Variants in LZIC observed in about 807,000 individuals in gnomAD.
LZIC encodes leucine zipper and CTNNBIP1 domain containing, also known as protein LZIC.
LZIC carries 28 observed loss-of-function variants against 25.4 expected under a neutral mutation model. That is an observed-to-expected ratio of 1.10 (90% CI 0.82 to 1.51). LZIC has a LOEUF of 1.51. Ranked by LOEUF, LZIC falls within the 40% of genes most tolerant of loss-of-function variation. The probability of loss-of-function intolerance (pLI) is 0.00; values close to 1 mark genes in which losing one functional copy is unlikely to be tolerated. For synonymous variants in LZIC, 65 were observed against 70.7 expected (o/e 0.92, Z 0.40); for missense variants, 170 against 211.1 (o/e 0.81, Z 1.21).
rs201758275 is a variant in LZIC, at chr1:9,929,430, G to T, written c.*969C>A. 5.1e-6 allele frequency: 5 copies of T among 985,286 alleles called. No individual in the cohort carries two copies. The African/African-American group carries it at 5.2e-5, about 10-fold the overall frequency. The allele number at this position is 985,286 out of a possible 1,614,324, so 61.0% of individuals were successfully genotyped here. Reference sequence around the variant, plus strand: ...TGCATATTTGAGCATACAGAGACATGTAAATACTCAGGAGAGAAATTTGCT... The same window carrying T: ...TGCATATTTGAGCATACAGAGACATTTAAATACTCAGGAGAGAAATTTGCT... On this transcript the variant is annotated 3_prime_UTR_variant, in exon 8 of 8. Coordinates refer to ENST00000377223, the MANE Select transcript of LZIC (RefSeq NM_032368.5).
At position 9,930,088 on chromosome 1, in the gene LZIC, TAAAAAC is replaced by T; in HGVS notation, c.*305_*310del. 2.7e-6 allele frequency: 3 copies of T among 1,102,226 alleles called. No individual in the cohort carries two copies. The highest frequency in any genetic ancestry group is 3.3e-6 in the Non-Finnish European group (3 of 901,518). The allele number at this position is 1,102,226 out of a possible 1,614,324, so 68.3% of individuals were successfully genotyped here. On this transcript the variant is annotated 3_prime_UTR_variant, in exon 8 of 8. Coordinates refer to ENST00000377223, the MANE Select transcript of LZIC (RefSeq NM_032368.5). ...CATCTTTTCGTTCACTATCAACACT[TAAAAAC>T]AAACAGCCTTAATAAAAATCAAGTC...
At chr1:9,938,949 T>C (rs1434128379) in intron 2 of LZIC, among the ~76,000 whole-genome samples, 1 of 152,198 alleles carries the variant, frequency 6.6e-6, no homozygotes, top group East Asian at 1.9e-4. Flanking sequence ...TACTAATCAG[T>C]CTTTTATTTA....
intron 2 of LZIC, among the ~76,000 whole-genome samples, chr1:9,939,542 CTTTTTTTTT>C (rs34837155): frequency 2.4e-5 from 2 of 81,984 alleles, no homozygotes; most frequent in Non-Finnish European, 4.5e-5. Context: ...CCACATCTGC[CTTTTTTTTT>C]TTTTTTTTTT....
intron 4 of LZIC, 133 bp from the exon 5 acceptor site, chr1:9,934,993 G>T: frequency 1.4e-6 from 1 of 711,850 alleles, no homozygotes. Context: ...ACAACTAAAT[G>T]AAGATCTGGA....
rs577906654 is a variant in LZIC, at chr1:9,934,440, T to C, written c.336+322A>G. On this transcript the variant is annotated intron_variant, in intron 5 of 7. Coordinates refer to ENST00000377223, the MANE Select transcript of LZIC (RefSeq NM_032368.5). ...TACAAAGATACTTGAAATTCTTAGA[T>C]GAGATAGGCTACACATGCATACAAG... 3.2e-4 allele frequency among the ~76,000 whole-genome samples: 49 copies of C among 152,326 alleles called. 2 individuals are homozygous for C. In the South Asian group the frequency reaches 9.7e-3, roughly 30 times the overall value.
intron 7 of LZIC, among the ~76,000 whole-genome samples, 189 bp from the exon 8 acceptor site, chr1:9,930,646 G>T (rs1306162641): frequency 1.3e-5 from 2 of 151,480 alleles, no homozygotes; most frequent in Non-Finnish European, 2.9e-5. Context: ...AAACAATCCA[G>T]CTACAAAGGG....
At position 9,932,744 on chromosome 1, in the gene LZIC, T is replaced by C. The variant is rs561864262; in HGVS notation, c.432+59A>G. On this transcript the variant is annotated intron_variant, in intron 6 of 7. Transcript: ENST00000377223. Reference sequence around the variant, plus strand: ...CCACAAACTAGACCACAGATCAAGATGTTCTGTACCAAATAATTCATACTT... The same window carrying C: ...CCACAAACTAGACCACAGATCAAGACGTTCTGTACCAAATAATTCATACTT... 12 of 936,736 alleles carry C rather than the reference T, an allele frequency of 1.3e-5. No homozygotes were observed. The East Asian group carries it at 2.8e-4, about 22-fold the overall frequency. 58.0% of individuals were successfully genotyped at this position (936,736 alleles called of 1,614,324 possible).
chr1:9,929,399 C>T lies in LZIC; in HGVS notation c.*1000G>A. 1 of 985,220 alleles carries T rather than the reference C, an allele frequency of 1.0e-6. No individual in the cohort carries two copies. The highest frequency in any genetic ancestry group is 4.7e-5 in the South Asian group (1 of 21,282). 61.0% of individuals were successfully genotyped at this position (985,220 alleles called of 1,614,324 possible). ...ATAAGCTAATATACACGCATAGGGA[C>T]ACATCTGCATATTTGAGCATACAGA... On this transcript the variant is annotated 3_prime_UTR_variant, in exon 8 of 8. Coordinates refer to ENST00000377223, the MANE Select transcript of LZIC (RefSeq NM_032368.5).
chr1:9,933,619 G>A (rs533196223), intron 5 of LZIC, among the ~76,000 whole-genome samples: 1 of 152,084 alleles, frequency 6.6e-6, no homozygotes, highest in East Asian at 1.9e-4. Context: ...AAAATAAGTT[G>A]TCCAGGCCAG....
At chr1:9,941,465 G>A (rs1438888995) in intron 2 of LZIC, among the ~76,000 whole-genome samples, 1 of 150,876 alleles carries the variant, frequency 6.6e-6, no homozygotes, top group Non-Finnish European at 1.5e-5. Context: ...AAAATGCTGG[G>A]ATTACAGGTG....
chr1:9,938,301 G>A (rs1640548257), intron 2 of LZIC, among the ~76,000 whole-genome samples: 1 of 151,972 alleles, frequency 6.6e-6, no homozygotes, highest in Admixed American at 6.6e-5. Flanking sequence ...CTGAGTAGCT[G>A]CAAACACAGG....
rs1395739813 is a variant in LZIC, at chr1:9,926,362, C to T, written c.*4037G>A. On this transcript the variant is annotated 3_prime_UTR_variant, in exon 8 of 8. Coordinates refer to ENST00000377223, the MANE Select transcript of LZIC (RefSeq NM_032368.5). ...TCTATAGTAATTTCAGATTATCCAT[C>T]ATTCACTGTAATAAGATACCATTTC... 6.6e-6 allele frequency among the ~76,000 whole-genome samples: 1 copy of T among 152,102 alleles called. No individual in the cohort carries two copies. The highest frequency in any genetic ancestry group is 1.5e-5 in the Non-Finnish European group (1 of 68,018).
chr1:9,928,258 A>G lies in LZIC; in HGVS notation c.*2141T>C, dbSNP rs1333953872. On this transcript the variant is annotated 3_prime_UTR_variant, in exon 8 of 8. Coordinates refer to ENST00000377223, the MANE Select transcript of LZIC (RefSeq NM_032368.5). ...AACCTGGGAGGCAGAAGTTGTGGTG[A>G]GCCGAGATCACGCCATTGCACTCCA... Among the ~76,000 whole-genome samples the G allele has an allele frequency of 6.6e-6, 1 of 152,030 alleles. No homozygotes were observed. The highest frequency in any genetic ancestry group is 1.5e-5 in the Non-Finnish European group (1 of 68,014).
chr1:9,942,085 T>C (rs1205290967), intron 2 of LZIC, among the ~76,000 whole-genome samples: 1 of 151,998 alleles, frequency 6.6e-6, no homozygotes, highest in Non-Finnish European at 1.5e-5. Flanking sequence ...TCTGGCTAAT[T>C]TTTGTATTTT....
Position 9,931,873 on chromosome 1 carries a change from A to C in LZIC, c.514+18T>G. The C allele has an allele frequency of 6.3e-7, 1 of 1,579,036 alleles. No individual in the cohort carries two copies. The highest frequency in any genetic ancestry group is 8.7e-7 in the Non-Finnish European group (1 of 1,152,490). On this transcript the variant is annotated intron_variant, in intron 7 of 7. Transcript: ENST00000377223. ...ACAGTAGTATACGACCAGCTTTCAG[A>C]AATATGAGGGCACTCACCAAGGTCT...
chr1:9,932,685 G>GGAAA, intron 6 of LZIC, 118 bp downstream of exon 6: 2 of 281,206 alleles, frequency 7.1e-6, no homozygotes, highest in East Asian at 6.9e-5. Flanking sequence ...CTCCGTCTCA[G>GGAAA]AAAAAAAAAA....
At chr1:9,939,086 C>CT (rs368917323) in intron 2 of LZIC, among the ~76,000 whole-genome samples, 2,438 of 149,066 alleles carry the variant, frequency 0.016, 61 homozygotes, top group African/African-American at 0.054. Flanking sequence ...GGAATCACTT[C>CT]TTTTTTTTTT....
At chr1:9,922,368 G>A (rs1019890590), downstream of LZIC, 7 of 965,600 alleles carry the variant, frequency 7.2e-6, no homozygotes, top group Admixed American at 6.2e-5. Context: ...CCTGGGGAGC[G>A]AAAGTGAACT....
In LZIC at chr1:9,931,871, A is replaced by C; in HGVS notation, c.514+20T>G. The C allele has an allele frequency of 1.3e-6, 2 of 1,572,410 alleles. No individual in the cohort carries two copies. Among genetic ancestry groups the C allele is most frequent in the Non-Finnish European group, 1.7e-6 (2 of 1,146,614 alleles). Reference sequence around the variant, plus strand: ...TGACAGTAGTATACGACCAGCTTTCAGAAATATGAGGGCACTCACCAAGGT... The same window carrying C: ...TGACAGTAGTATACGACCAGCTTTCCGAAATATGAGGGCACTCACCAAGGT... On this transcript the variant is annotated intron_variant, in intron 7 of 7. Transcript: ENST00000377223.
Sources: allele counts gnomAD v4.1 joint callset (sites outside exome capture counted in the v4.1 genomes callset), GRCh38; gene constraint gnomAD v4.1.1; transcripts MANE v1.5; gene names NCBI Gene and HGNC (gene_info 2026-07-23, HGNC 2026-07-21).